CAB39L: variants seen among roughly 807,000 people sequenced by gnomAD.
The protein encoded by CAB39L is calcium-binding protein 39-like.
Under a neutral mutation model 39.1 loss-of-function variants are expected in CAB39L, and 23 were observed. The observed-to-expected ratio is 0.59, with a 90% CI of 0.42 to 0.83. CAB39L has a LOEUF of 0.83. CAB39L is among the 40% of genes least tolerant of loss of function. The probability of loss-of-function intolerance (pLI) is 0.00; values close to 1 mark genes in which losing one functional copy is unlikely to be tolerated. For missense variants in CAB39L, 366 were observed against 391.9 expected (o/e 0.93, Z 0.56); for synonymous variants, 126 against 137.2 (o/e 0.92, Z 0.57).
rs150758382 is a variant in CAB39L, at chr13:49,311,446, G to C, written c.835-453C>G. On this transcript the variant is annotated intron_variant, in intron 10 of 10. Transcript: ENST00000409308. The stretch of plus-strand genomic sequence containing the variant: ...TACTATACGTCTAATCATTATTTTA[G>C]AGTATATGCCTTCTACTTAGTAAAC... 8.2e-3 allele frequency among the ~76,000 whole-genome samples: 1,249 copies of C among 152,320 alleles called. 6 individuals carry two copies. Among genetic ancestry groups the C allele is most frequent in the Non-Finnish European group, 0.013 (888 of 68,022 alleles).
intron 3 of CAB39L, among the ~76,000 whole-genome samples, chr13:49,415,252 C>T (rs991834411): frequency 6.6e-6 from 1 of 151,350 alleles, no homozygotes; most frequent in African/African-American, 2.4e-5. Flanking sequence ...CGCGGTGGCT[C>T]ACACCTGTAA....
chr13:49,324,993 G>A (rs1055834981), intron 10 of CAB39L, among the ~76,000 whole-genome samples: 1 of 152,102 alleles, frequency 6.6e-6, no homozygotes, highest in South Asian at 2.1e-4. Context: ...AAAATATTTT[G>A]TAAAGTAGGT....
chr13:49,394,055 A>G (rs1478551242), intron 3 of CAB39L, among the ~76,000 whole-genome samples: 1 of 151,948 alleles, frequency 6.6e-6, no homozygotes, highest in Non-Finnish European at 1.5e-5. Flanking sequence ...AAGACCAACA[A>G]ATCAAAGTTA....
chr13:49,343,758 T>G (rs1021005439), intron 8 of CAB39L, among the ~76,000 whole-genome samples: 1 of 151,986 alleles, frequency 6.6e-6, no homozygotes, highest in Non-Finnish European at 1.5e-5. Context: ...AAAGGATGAG[T>G]TGGATTCACT....
chr13:49,366,573 G>A (rs1223030260), intron 5 of CAB39L, among the ~76,000 whole-genome samples: 1 of 140,870 alleles, frequency 7.1e-6, no homozygotes. Context: ...GCTGCAGTGA[G>A]CTGACATCGT....
rs78029351 is a variant in CAB39L, at chr13:49,440,413, G to A, written c.-246+3573C>T. ...TTTTGTTGACCAGATGGCTGTGGGT[G>A]TACAGCTTAATTTCTGGGCTCTCTA... On this transcript the variant is annotated intron_variant, in intron 1 of 10. Coordinates refer to ENST00000409308, the MANE Select transcript of CAB39L (RefSeq NM_001079670.3). Among the ~76,000 whole-genome samples, 932 of 152,186 alleles carry A rather than the reference G, an allele frequency of 6.1e-3. 6 individuals carry two copies. Among genetic ancestry groups the A allele is most frequent in the African/African-American group, 0.02 (833 of 41,530 alleles).
At chr13:49,385,735 G>C (rs1956342579) in intron 3 of CAB39L, among the ~76,000 whole-genome samples, 1 of 152,120 alleles carries the variant, frequency 6.6e-6, no homozygotes, top group African/African-American at 2.4e-5. Flanking sequence ...GTGAGACAGG[G>C]GAACGGCCAG....
chr13:49,376,920 TATTA>T, intron 5 of CAB39L, 43 bp downstream of exon 5: 14 of 1,440,410 alleles, frequency 9.7e-6, no homozygotes, highest in South Asian at 4.0e-5. Context: ...GATAGATAGA[TATTA>T]AAATTGAAAA....
intron 3 of CAB39L, among the ~76,000 whole-genome samples, chr13:49,408,203 A>T (rs570908304): frequency 3.9e-5 from 6 of 152,242 alleles, no homozygotes; most frequent in Non-Finnish European, 8.8e-5. Context: ...AACTGAAAAA[A>T]TATGGATAGT....
intron 9 of CAB39L, among the ~76,000 whole-genome samples, chr13:49,337,026 G>A (rs1566072162): frequency 1.3e-5 from 2 of 152,154 alleles, no homozygotes; most frequent in East Asian, 3.8e-4. Flanking sequence ...ATGGCTGGCT[G>A]AAAAATGGCC....
At chr13:49,432,729 T>C (rs969756251) in intron 3 of CAB39L, among the ~76,000 whole-genome samples, 2 of 152,178 alleles carry the variant, frequency 1.3e-5, no homozygotes, top group African/African-American at 4.8e-5. Context: ...AATCCTCCAC[T>C]TGTGGAGTTT....
chr13:49,333,762 C>T (rs939653784), intron 9 of CAB39L, among the ~76,000 whole-genome samples: 4 of 151,700 alleles, frequency 2.6e-5, no homozygotes, highest in East Asian at 1.9e-4. Context: ...TTAGTAGAGA[C>T]GGGGTTTCAC....
At chr13:49,441,221 G>GTGTATATATATATA (rs1024957572) in intron 1 of CAB39L, among the ~76,000 whole-genome samples, 1 of 121,442 alleles carries the variant, frequency 8.2e-6, no homozygotes. Flanking sequence ...ATGATTTAGT[G>GTGTATATATATATA]TATATATATA....
intron 1 of CAB39L, among the ~76,000 whole-genome samples, chr13:49,442,787 CAAAAAAAAAAA>C (rs71078844): frequency 0.031 from 3,191 of 102,756 alleles, 52 homozygotes; most frequent in East Asian, 0.1. Flanking sequence ...GACTCCATCT[CAAAAAAAAAAA>C]AAAAAAAAAA....
chr13:49,379,998 C>T (rs775075343), intron 4 of CAB39L, among the ~76,000 whole-genome samples: 8 of 152,018 alleles, frequency 5.3e-5, no homozygotes, highest in Non-Finnish European at 1.0e-4. Context: ...CCCGCCACCA[C>T]GCCCGGCTAA....
chr13:49,436,659 G>T (rs1272472289), intron 1 of CAB39L, among the ~76,000 whole-genome samples: 15 of 145,702 alleles, frequency 1.0e-4, no homozygotes, highest in African/African-American at 3.1e-4. Context: ...GGAACTACAG[G>T]CATGCACCAC....
At chr13:49,342,875 C>A (rs551383924) in intron 8 of CAB39L, among the ~76,000 whole-genome samples, 1 of 152,226 alleles carries the variant, frequency 6.6e-6, no homozygotes, top group Non-Finnish European at 1.5e-5. Context: ...AGCCAAAAGA[C>A]CGAGAAGCGA....
chr13:49,418,123 T>TA (rs1957115097), intron 3 of CAB39L, among the ~76,000 whole-genome samples: 1 of 151,882 alleles, frequency 6.6e-6, no homozygotes, highest in Admixed American at 6.6e-5. Context: ...GCATTATCCA[T>TA]AATACCCCAA....
chr13:49,340,107 C>T (rs1236703446), intron 8 of CAB39L, among the ~76,000 whole-genome samples: 2 of 152,194 alleles, frequency 1.3e-5, no homozygotes, highest in African/African-American at 2.4e-5. Flanking sequence ...ATTAAATACA[C>T]TTAAGGCTTC....
Sources: allele counts gnomAD v4.1 joint callset (sites outside exome capture counted in the v4.1 genomes callset), GRCh38; gene constraint gnomAD v4.1.1; transcripts MANE v1.5; gene names NCBI Gene and HGNC (gene_info 2026-07-23, HGNC 2026-07-21).